The following UTRN variants were observed in gnomAD, a reference collection of about 807,000 sequenced individuals.
UTRN encodes the protein dystrophin-related protein 1.
A neutral mutation model predicts 463.9 loss-of-function variants in UTRN; 283 were observed. That is an observed-to-expected ratio of 0.61 (90% CI 0.55 to 0.67). The LOEUF (loss-of-function observed/expected upper bound fraction) is 0.67. Among genes scored for constraint, UTRN ranks in the 30% least tolerant of loss-of-function variants. The pLI is 0.00. For synonymous variants in UTRN, 1,442 were observed against 1,431.5 expected, an observed-to-expected ratio of 1.01 and a Z score of -0.17; for missense variants, 3,922 against 4,084.3, an observed-to-expected ratio of 0.96 and a Z score of 1.08.
At chr6:144,668,458 T>TA (rs1434872795) in intron 51 of UTRN, among the ~76,000 whole-genome samples, 1 of 152,230 alleles carries the variant, frequency 6.6e-6, no homozygotes, top group African/African-American at 2.4e-5. Context: ...AAGAGAAACT[T>TA]ACAATGAGTG....
chr6:144,448,699 A>G lies in UTRN; in HGVS notation c.2002A>G (p.Lys668Glu), dbSNP rs1787941674. The change falls in exon 17 of 75, where the codon AAG (lysine) becomes GAG (glutamate). Residue 668 changes from lysine (K) to glutamate (E), a missense_variant. By Grantham distance (56) the Lys-to-Glu change is moderately conservative. Around this residue, in one of 3 missense-constraint regions of UTRN, gnomAD observed 2,349 missense variants for 2,303.8 expected, o/e 1.02. Transcript: ENST00000367545. ...VREQAITKKSKQELPPPPPPK... is the reference protein window; with the variant it reads ...VREQAITKKSEQELPPPPPPK... The stretch of plus-strand genomic sequence containing the variant: ...AGAACAAGCAATTACAAAAAAATCT[A>G]AGCAGGAACTGCCTCCTCCTCCTCC... The G allele has an allele frequency of 1.9e-6, 3 of 1,613,920 alleles. No homozygotes were observed. Among genetic ancestry groups the G allele is most frequent in the Non-Finnish European group, 2.5e-6 (3 of 1,179,968 alleles).
At chr6:144,290,800 C>T (rs1019601641) in intron 1 of UTRN, among the ~76,000 whole-genome samples, 6 of 130,724 alleles carry the variant, frequency 4.6e-5, no homozygotes, top group East Asian at 2.3e-4. Flanking sequence ...GTCTCACTCT[C>T]GTTGCCCAGG....
At chr6:144,824,278 T>C (rs1779845940) in intron 66 of UTRN, among the ~76,000 whole-genome samples, 2 of 151,718 alleles carry the variant, frequency 1.3e-5, no homozygotes, top group African/African-American at 4.8e-5. Flanking sequence ...GGGATCCCAC[T>C]TACCCTGCTC....
rs1448332481 is a variant in UTRN at position 144,428,935 on chromosome 6, A to C, written c.694+42A>C. The C allele has an allele frequency of 2.3e-6, 3 of 1,319,008 alleles. No individual in the cohort carries two copies. In the South Asian group the frequency reaches 4.1e-5, roughly 18 times the overall value. The allele number at this position is 1,319,008 out of a possible 1,614,324, so 81.7% of individuals were successfully genotyped here. A position where few individuals can be genotyped will look rare whatever the true frequency, so the allele number is the denominator to read the frequency against. ...AATTTCCACCTTGATTTTGCTTTAC[A>C]GTTTTGCATTCTTGAAAAGCAGTGT... is the stretch of plus-strand genomic sequence containing the variant. On this transcript the variant is annotated intron_variant, in intron 8 of 74. Coordinates refer to ENST00000367545, the MANE Select transcript of UTRN (RefSeq NM_007124.3).
chr6:144,436,522 G>A (rs1274796417), intron 10 of UTRN, among the ~76,000 whole-genome samples: 1 of 151,992 alleles, frequency 6.6e-6, no homozygotes, highest in East Asian at 1.9e-4. Context: ...TTAAGCAAAT[G>A]TCATACCCAG....
At chr6:144,485,948 T>C (rs1792400923) in intron 28 of UTRN, among the ~76,000 whole-genome samples, 2 of 152,346 alleles carry the variant, frequency 1.3e-5, no homozygotes, top group Admixed American at 1.3e-4. Context: ...AAGACAGTGG[T>C]TGAGCCATGG....
Position 144,851,830 on chromosome 6 carries a change from T to C in UTRN, c.*833T>C, listed in dbSNP as rs967989889. On this transcript the variant is annotated 3_prime_UTR_variant, in exon 75 of 75. Transcript: ENST00000367545. ...CTATTTGATAAAGAAGACTACATTA[T>C]AATAATCTCAAAGATCATATTACCA... is the stretch of plus-strand genomic sequence containing the variant. The C allele has an allele frequency of 7.2e-5, 11 of 152,226 alleles. No individual in the cohort carries two copies. In the South Asian group the frequency reaches 8.3e-4, roughly 11 times the overall value. The allele number at this position is 152,226 out of a possible 1,614,324, so 9.4% of individuals were successfully genotyped here.
intron 41 of UTRN, among the ~76,000 whole-genome samples, chr6:144,530,850 C>T (rs1796990459): frequency 6.6e-6 from 1 of 151,940 alleles, no homozygotes; most frequent in South Asian, 2.1e-4. Context: ...TTGCTTTGCC[C>T]TTGTTATGAT....
rs756246080 is a variant in UTRN at position 144,754,704 on chromosome 6, A to C, written c.8356-16A>C. On this transcript the variant is annotated splice_polypyrimidine_tract_variant and intron_variant, in intron 56 of 74. Coordinates refer to ENST00000367545, the MANE Select transcript of UTRN (RefSeq NM_007124.3). ...AATCAAATTATTTCCTCTGACTTGC[A>C]TGTGTATGTGTGCAGGTTTCTGTGG... 1 of 1,610,302 alleles carries C rather than the reference A, an allele frequency of 6.2e-7. No individual in the cohort carries two copies. Among genetic ancestry groups the C allele is most frequent in the South Asian group, 1.1e-5 (1 of 90,012 alleles).
Position 144,423,547 on chromosome 6 carries a change from A to C in UTRN, c.235-2A>C, listed in dbSNP as rs1785037987. 9 of 1,614,126 alleles carry C rather than the reference A, an allele frequency of 5.6e-6. No homozygotes were observed. Among genetic ancestry groups the C allele is most frequent in the Non-Finnish European group, 7.6e-6 (9 of 1,180,018 alleles). On this transcript the variant is annotated splice_acceptor_variant, in intron 4 of 74. Transcript: ENST00000367545. LOFTEE classifies it high-confidence loss of function. ...TACTTGCTTTTTTGTTTTATTTTCC[A>C]GCCAAAGGAACGTGGTTCCACAAGG... is the stretch of plus-strand genomic sequence containing the variant.
chr6:144,850,108 T>C (rs1782360168), intron 74 of UTRN, among the ~76,000 whole-genome samples: 1 of 152,162 alleles, frequency 6.6e-6, no homozygotes, highest in Non-Finnish European at 1.5e-5. Flanking sequence ...CAATCAAATG[T>C]TCAAAATGGA....
chr6:144,683,178 G>A (rs772497231), intron 52 of UTRN, among the ~76,000 whole-genome samples: 10 of 152,182 alleles, frequency 6.6e-5, no homozygotes, highest in Non-Finnish European at 1.3e-4. Flanking sequence ...ACCCCAGAAT[G>A]AGGCAGAATC....
At chr6:144,603,333 A>G (rs1225683487) in intron 51 of UTRN, among the ~76,000 whole-genome samples, 1 of 152,172 alleles carries the variant, frequency 6.6e-6, no homozygotes, top group Non-Finnish European at 1.5e-5. Context: ...AAGGTTATAC[A>G]TTGCGAGGTG....
At chr6:144,679,039 T>A (rs1781945290) in intron 52 of UTRN, among the ~76,000 whole-genome samples, 1 of 152,148 alleles carries the variant, frequency 6.6e-6, no homozygotes, top group African/African-American at 2.4e-5. Context: ...AGAGTTTGAA[T>A]CTAGATCTTT....
chr6:144,562,547 T>C (rs1800032681), intron 50 of UTRN, among the ~76,000 whole-genome samples: 1 of 152,236 alleles, frequency 6.6e-6, no homozygotes, highest in Admixed American at 6.5e-5. Context: ...TTCCTTTTTA[T>C]GGCTGCATAA....
chr6:144,729,992 A>G (rs928263207), intron 53 of UTRN, among the ~76,000 whole-genome samples: 1 of 152,156 alleles, frequency 6.6e-6, no homozygotes, highest in Non-Finnish European at 1.5e-5. Flanking sequence ...TTTTTTTGTC[A>G]GTCAGTCTTA....
At chr6:144,549,995 GA>G (rs1343310863) in intron 47 of UTRN, among the ~76,000 whole-genome samples, 1 of 152,146 alleles carries the variant, frequency 6.6e-6, no homozygotes, top group Non-Finnish European at 1.5e-5. Flanking sequence ...TGCTTTAGTA[GA>G]AGACTAGGAT....
chr6:144,635,125 C>CAGTTA (rs953615910), intron 51 of UTRN, among the ~76,000 whole-genome samples: 2 of 147,238 alleles, frequency 1.4e-5, no homozygotes, highest in Non-Finnish European at 3.0e-5. Flanking sequence ...CTAAAACCTC[C>CAGTTA]AGTTATTTGT....
chr6:144,717,627 C>CTTTTTTTTTTTTTTTTTTTTTTTTTTT (rs1333769413), intron 53 of UTRN, among the ~76,000 whole-genome samples: 4 of 112,624 alleles, frequency 3.6e-5, no homozygotes, highest in African/African-American at 1.3e-4. Context: ...TTTTTCTTTT[C>CTTTTTTTTTTTTTTTTTTTTTTTTTTT]TTTTTTCTTT....
Sources: allele counts gnomAD v4.1 joint callset (sites outside exome capture counted in the v4.1 genomes callset), GRCh38; gene constraint gnomAD v4.1.1; regional missense constraint gnomAD v4.1.1; transcripts MANE v1.5; gene names NCBI Gene and HGNC (gene_info 2026-07-23, HGNC 2026-07-21).